Variants in ST7 observed in about 807,000 individuals in gnomAD.
The protein encoded by ST7 is suppression of tumorigenicity 7.
Under a neutral mutation model 78.7 loss-of-function variants are expected in ST7, and 28 were observed. The observed-to-expected ratio is 0.36, with a 90% confidence interval of 0.26 to 0.49. The LOEUF (loss-of-function observed/expected upper bound fraction) is 0.49, where lower values mean the gene tolerates loss of function less well. ST7 is among the 20% of genes least tolerant of loss of function. The pLI, the probability that ST7 is intolerant of heterozygous loss-of-function variation, is 0.99. For missense variants in ST7, 418 were observed against 696.0 expected, an observed-to-expected ratio of 0.60 and a Z score of 4.49; for synonymous variants, 247 against 249.6, an observed-to-expected ratio of 0.99 and a Z score of 0.10.
intron 1 of ST7, chr7:117,020,330 C>T (rs1019148696): frequency 1.1e-4 from 49 of 455,014 alleles, no homozygotes; most frequent in Non-Finnish European, 3.5e-5. Context: ...AGAGGCACGT[C>T]GGCCTTCATT....
intron 1 of ST7, among the ~76,000 whole-genome samples, chr7:117,042,958 T>C (rs887901229): frequency 2.6e-5 from 4 of 152,174 alleles, no homozygotes; most frequent in African/African-American, 4.8e-5. Context: ...TTCATCATGA[T>C]TGTAATTCAT....
intron 12 of ST7, among the ~76,000 whole-genome samples, chr7:117,199,315 A>G (rs866695141): frequency 6.6e-6 from 1 of 152,082 alleles, no homozygotes; most frequent in East Asian, 1.9e-4. Flanking sequence ...TGGGTTGCTT[A>G]TATCTCCTTC....
At chr7:117,097,823 T>TATAC (rs1801173806) in intron 1 of ST7, among the ~76,000 whole-genome samples, 1 of 74,686 alleles carries the variant, frequency 1.3e-5, no homozygotes, top group South Asian at 4.2e-4. Flanking sequence ...GACATATCAC[T>TATAC]ATATATATAT....
At chr7:117,052,239 T>C (rs1052038033) in intron 1 of ST7, among the ~76,000 whole-genome samples, 1 of 152,238 alleles carries the variant, frequency 6.6e-6, no homozygotes, top group Non-Finnish European at 1.5e-5. Context: ...AGCATCATTC[T>C]CCTTTTTGTA....
chr7:117,159,533 T>C (rs2402159), intron 9 of ST7, among the ~76,000 whole-genome samples: 19,224 of 152,198 alleles, frequency 0.13, 2,259 homozygotes, highest in African/African-American at 0.31. Flanking sequence ...ATAGTGAGCA[T>C]GTTTAAAGAT....
intron 1 of ST7, among the ~76,000 whole-genome samples, chr7:117,083,647 A>G (rs1799940718): frequency 6.6e-6 from 1 of 152,200 alleles, no homozygotes; most frequent in African/African-American, 2.4e-5. Context: ...TAAAGCTATT[A>G]TATATAAAAT....
intron 9 of ST7, among the ~76,000 whole-genome samples, chr7:117,169,137 CTTT>C (rs36088347): frequency 3.6e-5 from 4 of 110,634 alleles, no homozygotes; most frequent in African/African-American, 8.8e-5. Context: ...AATCTTCTTC[CTTT>C]TTTTTTTTTT....
intron 12 of ST7, among the ~76,000 whole-genome samples, chr7:117,203,046 G>A (rs547836342): frequency 7.9e-5 from 12 of 152,206 alleles, no homozygotes; most frequent in African/African-American, 2.6e-4. Flanking sequence ...TTTTCAATCC[G>A]TGTTTAGTTG....
Position 116,985,724 on chromosome 7 carries a change from T to G in ST7, c.151+32033T>G, listed in dbSNP as rs975894639. On this transcript the variant is annotated intron_variant, in intron 1 of 15. Coordinates refer to ENST00000323984, the MANE Select transcript of ST7 (RefSeq NM_001369598.1). ...GATCAGAATTTGTGTTATGCAACTA[T>G]TTTAGATGAGCTGTGAGGAAATCCC... 7.9e-5 allele frequency among the ~76,000 whole-genome samples: 12 copies of G among 152,210 alleles called. 1 individual carries two copies. The highest frequency in any genetic ancestry group is 2.2e-4 in the African/African-American group (9 of 41,458).
In ST7 at chr7:117,013,492, AGAC is replaced by A. The variant is rs1212480620; in HGVS notation, c.151+59805_151+59807del. ...TGCTTATGGTAAGGAAGCACTGATT[AGAC>A]GACTGAGTGAAATGGTACTTTCTTA... is the stretch of plus-strand genomic sequence containing the variant. On this transcript the variant is annotated intron_variant, in intron 1 of 15. Coordinates refer to ENST00000323984, the MANE Select transcript of ST7 (RefSeq NM_001369598.1). 5.9e-5 allele frequency among the ~76,000 whole-genome samples: 9 copies of A among 152,370 alleles called. No homozygotes were observed. In the East Asian group the frequency reaches 1.7e-3, roughly 29 times the overall value.
intron 9 of ST7, among the ~76,000 whole-genome samples, chr7:117,157,209 G>A (rs994239335): frequency 6.6e-6 from 1 of 152,186 alleles, no homozygotes; most frequent in Non-Finnish European, 1.5e-5. Context: ...CAAGGGCTGA[G>A]CATTAATGAT....
intron 15 of ST7, among the ~76,000 whole-genome samples, chr7:117,224,995 G>A (rs577889224): frequency 3.9e-5 from 6 of 152,172 alleles, no homozygotes; most frequent in Non-Finnish European, 7.3e-5. Context: ...TCTGGGGTCC[G>A]CATGGGCAAC....
At chr7:117,141,372 G>A (rs1805283461) in intron 9 of ST7, among the ~76,000 whole-genome samples, 1 of 152,098 alleles carries the variant, frequency 6.6e-6, no homozygotes, top group Admixed American at 6.6e-5. Context: ...AAATGAAAGG[G>A]AATTCTGGGA....
chr7:116,994,193 G>A lies in ST7; in HGVS notation c.151+40502G>A, dbSNP rs191045677. Among the ~76,000 whole-genome samples the A allele has an allele frequency of 1.3e-3, 194 of 152,088 alleles. 3 individuals are homozygous for A. In the Middle Eastern group the frequency reaches 0.014, roughly 11 times the overall value. ...TTCCTGCTAACCCTTGGCAATCACC[G>A]TTCTACTTTCTCTCTCTATGAATTT... On this transcript the variant is annotated intron_variant, in intron 1 of 15. Coordinates refer to ENST00000323984, the MANE Select transcript of ST7 (RefSeq NM_001369598.1).
intron 1 of ST7, among the ~76,000 whole-genome samples, chr7:116,975,214 G>A (rs1180176155): frequency 1.3e-5 from 2 of 152,096 alleles, no homozygotes; most frequent in Non-Finnish European, 2.9e-5. Flanking sequence ...CAGGGGAACT[G>A]CCCTTTATAA....
At position 117,196,624 on chromosome 7, in the gene ST7, C is replaced by CTTTTTT. The variant is rs56133709; in HGVS notation, c.1254+5710_1254+5715dup. 2.0e-4 allele frequency among the ~76,000 whole-genome samples: 12 copies of CTTTTTT among 59,516 alleles called. 1 individual carries two copies. Among genetic ancestry groups the CTTTTTT allele is most frequent in the African/African-American group, 4.6e-4 (7 of 15,380 alleles). 39.0% of individuals were successfully genotyped at this position (59,516 alleles called of 152,430 possible). Reference sequence around the variant, plus strand: ...TAAATCAGATAATCAGATTGTTGGGCTTTTTTTTTTTTTTTTTTTTTTTTT... The same window carrying CTTTTTT: ...TAAATCAGATAATCAGATTGTTGGGCTTTTTTTTTTTTTTTTTTTTTTTTTTTTTTT... On this transcript the variant is annotated intron_variant, in intron 12 of 15. Transcript: ENST00000323984.
intron 9 of ST7, among the ~76,000 whole-genome samples, chr7:117,142,736 C>T (rs565427397): frequency 4.1e-4 from 63 of 152,216 alleles, no homozygotes; most frequent in Non-Finnish European, 7.8e-4. Context: ...CTCAGCCTCC[C>T]GAGTACCTGG....
intron 1 of ST7, among the ~76,000 whole-genome samples, chr7:117,023,997 A>G (rs1796061078): frequency 6.6e-6 from 1 of 152,094 alleles, no homozygotes; most frequent in Non-Finnish European, 1.5e-5. Flanking sequence ...TTTGTTCAGT[A>G]GAGATGCAGT....
At chr7:117,101,672 G>A (rs1410959546) in intron 2 of ST7, among the ~76,000 whole-genome samples, 1 of 152,072 alleles carries the variant, frequency 6.6e-6, no homozygotes, top group African/African-American at 2.4e-5. Context: ...AACAGTTCAC[G>A]CCAAGGACTG....
Sources: allele counts gnomAD v4.1 joint callset (sites outside exome capture counted in the v4.1 genomes callset), GRCh38; gene constraint gnomAD v4.1.1; transcripts MANE v1.5; gene names NCBI Gene and HGNC (gene_info 2026-07-23, HGNC 2026-07-21).